The following BLVRA variants were observed in gnomAD, a reference collection of about 807,000 sequenced individuals.
BLVRA encodes the protein biliverdin reductase A.
In BLVRA, 22 loss-of-function variants were observed where a neutral mutation model predicts 32.8. That is an observed-to-expected ratio of 0.67 (90% CI 0.48 to 0.96). The LOEUF (loss-of-function observed/expected upper bound fraction) is 0.96. Among genes scored for constraint, BLVRA ranks in the 40% least tolerant of loss-of-function variants. The pLI is 0.00. For synonymous variants in BLVRA, 119 were observed against 141.3 expected (o/e 0.84, Z 1.12); for missense variants, 323 against 358.1 (o/e 0.90, Z 0.79).
At chr7:43,792,632 A>T in intron 4 of BLVRA, 83 bp from the exon 5 acceptor site, 1 of 1,331,968 alleles carries the variant, frequency 7.5e-7, no homozygotes, top group Non-Finnish European at 1.1e-6. Flanking sequence ...TGCCTTTATA[A>T]CATTCTGTTC....
At chr7:43,796,677 GGCAAAAAAA>G (rs756413183) in intron 5 of BLVRA, among the ~76,000 whole-genome samples, 5 of 152,050 alleles carry the variant, frequency 3.3e-5, no homozygotes, top group Non-Finnish European at 7.4e-5. Context: ...CAAAAACACA[GGCAAAAAAA>G]GCAAAAAACA....
At chr7:43,775,488 G>C (rs1400529524) in intron 2 of BLVRA, among the ~76,000 whole-genome samples, 1 of 152,218 alleles carries the variant, frequency 6.6e-6, no homozygotes, top group East Asian at 1.9e-4. Context: ...CAGGGATGAA[G>C]CCCACTTGAT....
At chr7:43,791,173 C>A in intron 3 of BLVRA, 76 bp from the exon 4 acceptor site, 2 of 1,601,684 alleles carry the variant, frequency 1.2e-6, no homozygotes, top group South Asian at 1.1e-5. Context: ...CAGGACCTGT[C>A]GGGAGGAGGG....
intron 3 of BLVRA, among the ~76,000 whole-genome samples, chr7:43,789,055 G>A (rs574693439): frequency 2.0e-3 from 307 of 151,136 alleles, no homozygotes; most frequent in African/African-American, 6.8e-3. Context: ...ACACACACAC[G>A]CACCACTCAC....
rs541895918 is a variant in BLVRA, at chr7:43,778,864, G to A, written c.12+7694G>A. On this transcript the variant is annotated intron_variant, in intron 2 of 7. Transcript: ENST00000265523. ...TAAGCAAGCCTGGGCAATGGCAGGC[G>A]CCCCTCCCCCAGCCTTGCTGCCACC... 1.6e-3 allele frequency among the ~76,000 whole-genome samples: 241 copies of A among 152,354 alleles called. 1 individual carries two copies. The highest frequency in any genetic ancestry group is 2.0e-3 in the Non-Finnish European group (133 of 68,038).
At chr7:43,784,296 C>G (rs866371242) in intron 2 of BLVRA, among the ~76,000 whole-genome samples, 3 of 152,296 alleles carry the variant, frequency 2.0e-5, no homozygotes, top group African/African-American at 7.2e-5. Context: ...CCATTGCTCC[C>G]TCCTCCACTG....
intron 2 of BLVRA, among the ~76,000 whole-genome samples, chr7:43,774,054 A>G (rs902609899): frequency 6.6e-6 from 1 of 152,022 alleles, no homozygotes; most frequent in African/African-American, 2.4e-5. Context: ...TTGTCAGATG[A>G]GTAGGTTGGG....
At chr7:43,776,145 A>G (rs1326967061) in intron 2 of BLVRA, among the ~76,000 whole-genome samples, 6 of 151,808 alleles carry the variant, frequency 4.0e-5, no homozygotes, top group Admixed American at 6.6e-5. Flanking sequence ...GTTTCCTTCA[A>G]TTCTGCTCTG....
At chr7:43,790,192 C>T (rs867555964) in intron 3 of BLVRA, among the ~76,000 whole-genome samples, 16 of 152,036 alleles carry the variant, frequency 1.1e-4, no homozygotes, top group African/African-American at 3.6e-4. Flanking sequence ...TAGAGGGCTA[C>T]TCTCCTGCCC....
rs1456134533 is a variant in BLVRA at position 43,791,245 on chromosome 7, A to G, written c.135-4A>G. The stretch of plus-strand genomic sequence containing the variant: ...AGTTCCATTTCTCTGTTACTCTGAA[A>G]TAGAAGGGAGCTCGGGAGCATTGAT... On this transcript the variant is annotated splice_region_variant and splice_polypyrimidine_tract_variant and intron_variant, in intron 3 of 7. Transcript: ENST00000265523. 6.2e-7 allele frequency: 1 copy of G among 1,613,974 alleles called. No homozygotes were observed. The highest frequency in any genetic ancestry group is 8.5e-7 in the Non-Finnish European group (1 of 1,180,008).
At chr7:43,801,387 G>A (rs2095798511) in intron 6 of BLVRA, among the ~76,000 whole-genome samples, 1 of 152,182 alleles carries the variant, frequency 6.6e-6, no homozygotes, top group Non-Finnish European at 1.5e-5. Flanking sequence ...GGGCATGCAG[G>A]AAGCTCCTGC....
At chr7:43,759,783 T>C (rs1322778187) in intron 1 of BLVRA, among the ~76,000 whole-genome samples, 1 of 152,234 alleles carries the variant, frequency 6.6e-6, no homozygotes, top group East Asian at 1.9e-4. Flanking sequence ...GGTATATTCC[T>C]AATTATTTCC....
At chr7:43,781,477 C>T (rs753284462) in intron 2 of BLVRA, among the ~76,000 whole-genome samples, 14 of 152,092 alleles carry the variant, frequency 9.2e-5, no homozygotes, top group Non-Finnish European at 1.9e-4. Flanking sequence ...TCCCATGTAG[C>T]GGGGATTATA....
chr7:43,778,656 G>A (rs1247269713), intron 2 of BLVRA, among the ~76,000 whole-genome samples: 1 of 152,250 alleles, frequency 6.6e-6, no homozygotes, highest in African/African-American at 2.4e-5. Flanking sequence ...CCAGCTGCGT[G>A]CTGGGAGAAC....
intron 1 of BLVRA, chr7:43,767,351 G>A: frequency 1.3e-6 from 2 of 1,596,246 alleles, no homozygotes; most frequent in Admixed American, 3.3e-5. Context: ...GGAAAAGAAA[G>A]CTCATTAGCA....
At chr7:43,767,745 CCTAATATGTTGTTTGT>C (rs2095749809) in intron 1 of BLVRA, 1 of 335,548 alleles carries the variant, frequency 3.0e-6, no homozygotes, top group Non-Finnish European at 5.7e-6. Flanking sequence ...TTTTGATCCT[CCTAATATGTTGTTTGT>C]ATATTCAGTT....
At chr7:43,773,787 C>G (rs1162602108) in intron 2 of BLVRA, among the ~76,000 whole-genome samples, 1 of 152,198 alleles carries the variant, frequency 6.6e-6, no homozygotes, top group East Asian at 1.9e-4. Context: ...TCTCCACATC[C>G]TCTCCAGCAC....
intron 2 of BLVRA, among the ~76,000 whole-genome samples, chr7:43,784,089 T>G (rs1206691995): frequency 1.3e-5 from 2 of 152,256 alleles, no homozygotes; most frequent in East Asian, 3.8e-4. Context: ...GACTGTGATT[T>G]GGACCTAAGT....
chr7:43,778,598 G>A (rs1379615955), intron 2 of BLVRA, among the ~76,000 whole-genome samples: 6 of 152,318 alleles, frequency 3.9e-5, no homozygotes, highest in Middle Eastern at 3.4e-3. Context: ...TAGGCTGCTC[G>A]GGGGTCAGGG....
Sources: gnomAD v4.1 joint callset for allele counts (sites outside exome capture counted in the v4.1 genomes callset) on GRCh38, gnomAD v4.1.1 for gene constraint, MANE v1.5 for transcripts, NCBI Gene and HGNC (gene_info 2026-07-23, HGNC 2026-07-21) for gene names.